The following LHCGR variants were observed in gnomAD, a reference collection of about 807,000 sequenced individuals.
LHCGR encodes lutropin-choriogonadotropic hormone receptor.
In LHCGR, 55 loss-of-function variants were observed where a neutral mutation model predicts 60.7. That is an observed-to-expected ratio of 0.91 (90% confidence interval 0.73 to 1.13). The LOEUF (loss-of-function observed/expected upper bound fraction) is 1.13. Among genes scored for constraint, LHCGR ranks in the 50% most tolerant of loss-of-function variants. The pLI is 0.00. For synonymous variants in LHCGR, 337 were observed against 316.5 expected (o/e 1.06, Z -0.69); for missense variants, 862 against 836.0 (o/e 1.03, Z -0.38).
intron 1 of LHCGR, among the ~76,000 whole-genome samples, chr2:48,742,987 G>A (rs1669537397): frequency 6.6e-6 from 1 of 152,116 alleles, no homozygotes; most frequent in East Asian, 1.9e-4. Context: ...TCCAATAGAT[G>A]CAATAAAAAA....
intron 8 of LHCGR, among the ~76,000 whole-genome samples, chr2:48,704,162 A>G (rs1295841428): frequency 6.6e-6 from 1 of 151,988 alleles, no homozygotes; most frequent in African/African-American, 2.4e-5. Context: ...TTTTTTTGTC[A>G]TTGGTTCTGT....
At position 48,749,276 on chromosome 2, in the gene LHCGR, G is replaced by A. The variant is rs115349960; in HGVS notation, c.161+6235C>T. Among the ~76,000 whole-genome samples, 547 of 152,320 alleles carry A rather than the reference G, an allele frequency of 3.6e-3. 2 individuals are homozygous for A. Among genetic ancestry groups the A allele is most frequent in the African/African-American group, 0.013 (520 of 41,568 alleles). ...TACATGAGGACCCTGTGGAGAAGCAGCTAGAAGCTGCCCACCAAGTCAGAA... is the reference window on the plus strand; with the variant it reads ...TACATGAGGACCCTGTGGAGAAGCAACTAGAAGCTGCCCACCAAGTCAGAA... On this transcript the variant is annotated intron_variant, in intron 1 of 10. Transcript: ENST00000294954.
rs151003567 is a variant in LHCGR at position 48,711,819 on chromosome 2, T to C, written c.605+2167A>G. ...CAGATGATCCTGGCATTTGTGTCTC[T>C]AGCCCTGCCCTACCCCTTCCAGCCT... On this transcript the variant is annotated intron_variant, in intron 7 of 10. Transcript: ENST00000294954. 2.3e-3 allele frequency among the ~76,000 whole-genome samples: 353 copies of C among 152,300 alleles called. 1 individual carries two copies. The highest frequency in any genetic ancestry group is 3.1e-3 in the Non-Finnish European group (209 of 68,038).
At chr2:48,704,606 GT>G (rs2104407784) in intron 8 of LHCGR, among the ~76,000 whole-genome samples, 1 of 152,238 alleles carries the variant, frequency 6.6e-6, no homozygotes, top group South Asian at 2.1e-4. Flanking sequence ...CTTCTTCCTG[GT>G]TTAGTCTTGG....
chr2:48,755,678 C>T lies in LHCGR; in HGVS notation c.-7G>A, dbSNP rs1007546922. ...CCGAGAACCGCTGCTTCATGGCCGG[C>T]GAACTGGGCTTCTGCGGCTTGCCAG... On this transcript the variant is annotated 5_prime_UTR_variant, in exon 1 of 11. Coordinates refer to ENST00000294954, the MANE Select transcript of LHCGR (RefSeq NM_000233.4). The T allele has an allele frequency of 4.6e-6, 7 of 1,534,722 alleles. No homozygotes were observed. In the African/African-American group the frequency reaches 9.6e-5, roughly 21 times the overall value.
intron 1 of LHCGR, among the ~76,000 whole-genome samples, chr2:48,748,509 T>C (rs916028964): frequency 1.3e-5 from 2 of 152,236 alleles, no homozygotes; most frequent in African/African-American, 2.4e-5. Context: ...TGAGCTCTGC[T>C]GTTTTGGGAT....
At chr2:48,732,402 G>A (rs1489412266) in intron 1 of LHCGR, among the ~76,000 whole-genome samples, 5 of 152,180 alleles carry the variant, frequency 3.3e-5, no homozygotes, top group Non-Finnish European at 7.3e-5. Context: ...CCTCCATGAT[G>A]GGCAGATGAA....
intron 9 of LHCGR, among the ~76,000 whole-genome samples, chr2:48,695,183 C>G (rs1667055862): frequency 6.6e-6 from 1 of 152,044 alleles, no homozygotes; most frequent in East Asian, 1.9e-4. Context: ...ATTATAGATT[C>G]TGGATATTAG....
intron 3 of LHCGR, among the ~76,000 whole-genome samples, chr2:48,728,468 G>C (rs1206767507): frequency 6.6e-6 from 1 of 152,108 alleles, no homozygotes; most frequent in African/African-American, 2.4e-5. Flanking sequence ...CAGCAGTAGG[G>C]GGCCTGGTGT....
At chr2:48,705,838 T>C (rs1426149574) in intron 8 of LHCGR, among the ~76,000 whole-genome samples, 2 of 152,180 alleles carry the variant, frequency 1.3e-5, no homozygotes, top group African/African-American at 4.8e-5. Flanking sequence ...GGGTCTTGAC[T>C]CGTTATCCAA....
intron 1 of LHCGR, chr2:48,732,940 G>C (rs569833528): frequency 1.9e-6 from 1 of 534,412 alleles, no homozygotes; most frequent in Non-Finnish European, 3.8e-6. Context: ...ATTTAACAAA[G>C]GATCCGAGAA....
chr2:48,694,330 C>A, intron 9 of LHCGR, 26 bp from the exon 10 acceptor site: 1 of 1,477,218 alleles, frequency 6.8e-7, no homozygotes, highest in Non-Finnish European at 9.4e-7. Context: ...TTAAAAAAAG[C>A]ATTTGAGCTT....
intron 6 of LHCGR, among the ~76,000 whole-genome samples, chr2:48,719,363 T>C (rs1373971192): frequency 6.6e-6 from 1 of 152,150 alleles, no homozygotes; most frequent in Non-Finnish European, 1.5e-5. Context: ...CAGCAGTCTC[T>C]CTACTGTGGC....
chr2:48,737,822 G>A (rs1047532550), intron 1 of LHCGR, among the ~76,000 whole-genome samples: 1 of 152,232 alleles, frequency 6.6e-6, no homozygotes, highest in African/African-American at 2.4e-5. Context: ...CTAGGCTCAA[G>A]GAGTCAGAGT....
intron 8 of LHCGR, among the ~76,000 whole-genome samples, chr2:48,707,664 G>T (rs546717756): frequency 6.6e-6 from 1 of 152,242 alleles, no homozygotes; most frequent in Admixed American, 6.5e-5. Flanking sequence ...CGAACTTCCT[G>T]GCAGCTTTGT....
chr2:48,727,137 G>A (rs543340905), intron 3 of LHCGR, among the ~76,000 whole-genome samples: 3 of 152,014 alleles, frequency 2.0e-5, no homozygotes, highest in Non-Finnish European at 4.4e-5. Context: ...TATCTCTAAA[G>A]GTCTTTTGGG....
chr2:48,724,292 C>A (rs1321622490), intron 4 of LHCGR, among the ~76,000 whole-genome samples: 2 of 152,176 alleles, frequency 1.3e-5, no homozygotes, highest in Non-Finnish European at 2.9e-5. Context: ...TATTTAGCCT[C>A]TGAAGAGGAG....
chr2:48,721,206 C>T (rs1285862655), intron 6 of LHCGR: 2 of 155,516 alleles, frequency 1.3e-5, no homozygotes, highest in Non-Finnish European at 2.9e-5. Flanking sequence ...TGTGGGGAGA[C>T]CCCAAATCCT....
At chr2:48,691,373 A>G (rs1247976544) in intron 10 of LHCGR, among the ~76,000 whole-genome samples, 1 of 152,218 alleles carries the variant, frequency 6.6e-6, no homozygotes, top group East Asian at 1.9e-4. Flanking sequence ...GGCTGCTGCT[A>G]TGTACAGAAG....
Sources: allele counts gnomAD v4.1 joint callset (sites outside exome capture counted in the v4.1 genomes callset), GRCh38; gene constraint gnomAD v4.1.1; transcripts MANE v1.5; gene names NCBI Gene and HGNC (gene_info 2026-07-23, HGNC 2026-07-21).